MECOM: variants seen among roughly 807,000 people sequenced by gnomAD.
The protein encoded by MECOM is histone-lysine N-methyltransferase MECOM.
MECOM carries 13 observed loss-of-function variants against 116.3 expected under a neutral mutation model. The ratio of observed to expected loss-of-function variants is 0.11; its 90% CI spans 0.07 to 0.18. The LOEUF (loss-of-function observed/expected upper bound fraction) is 0.18. MECOM is among the 10% of genes least tolerant of loss of function. MECOM has a pLI of 1.00. For synonymous variants in MECOM, 528 were observed against 535.2 expected (o/e 0.99, Z 0.19); for missense variants, 1,299 against 1,509.0 (o/e 0.86, Z 2.31).
At chr3:169,659,440 ATTTTTTTT>A (rs56270349) in intron 1 of MECOM, among the ~76,000 whole-genome samples, 14 of 62,138 alleles carry the variant, frequency 2.3e-4, no homozygotes, top group South Asian at 6.7e-4. Flanking sequence ...CTAAACACAG[ATTTTTTTT>A]TTTTTTTTTT....
chr3:169,546,570 G>A (rs59275849), intron 1 of MECOM, among the ~76,000 whole-genome samples: 1,723 of 152,224 alleles, frequency 0.011, 31 homozygotes, highest in African/African-American at 0.04. Context: ...TGCCTCCTAC[G>A]GAAAGAATAA....
intron 4 of MECOM, 44 bp from the exon 5 acceptor site, chr3:169,128,104 G>T (rs766997509): frequency 1.0e-5 from 16 of 1,581,350 alleles, no homozygotes; most frequent in Non-Finnish European, 1.4e-5. Flanking sequence ...GTCAGGAATT[G>T]CCATCACAAA....
intron 1 of MECOM, among the ~76,000 whole-genome samples, chr3:169,434,874 T>C (rs1469306696): frequency 6.6e-6 from 1 of 152,208 alleles, no homozygotes; most frequent in African/African-American, 2.4e-5. Flanking sequence ...ACAAGGAGTT[T>C]CTCAAATTTA....
Position 169,102,166 on chromosome 3 carries a change from C to G in MECOM, c.2665G>C (p.Ala889Pro). 6.2e-7 allele frequency: 1 copy of G among 1,613,928 alleles called. No individual in the cohort carries two copies. Among genetic ancestry groups the G allele is most frequent in the East Asian group, 2.2e-5 (1 of 44,874 alleles). The change falls in exon 11 of 17, where the codon GCC becomes CCC. Residue 889 changes from alanine (A) to proline (P), a missense_variant. Ala to Pro is a conservative substitution (Grantham distance 27, BLOSUM62 -1). This residue lies in a region of MECOM where 340 missense variants were observed against 312.6 expected (regional missense o/e 1.09). Coordinates refer to ENST00000651503, the MANE Select transcript of MECOM (RefSeq NM_004991.4). ...LESFSALKPE[A>P]SELLQSVPSM... ...GGCACTGACTGTAAGAGCTCACTGG[C>G]CTCAGGTTTCAGGGCACTGAAGCTC...
At chr3:169,307,068 C>T (rs1717851768) in intron 2 of MECOM, among the ~76,000 whole-genome samples, 1 of 152,188 alleles carries the variant, frequency 6.6e-6, no homozygotes. Context: ...TTTATCCATT[C>T]CAAACTGGTT....
At chr3:169,162,429 C>T (rs939584966) in intron 2 of MECOM, among the ~76,000 whole-genome samples, 3 of 151,982 alleles carry the variant, frequency 2.0e-5, no homozygotes, top group Admixed American at 6.6e-5. Context: ...TTATGTCATT[C>T]GAATGTTAAG....
At chr3:169,149,736 C>T (rs140730227) in intron 2 of MECOM, 2 of 457,710 alleles carry the variant, frequency 4.4e-6, no homozygotes, top group South Asian at 3.1e-5. Flanking sequence ...GCTTACCCTC[C>T]GAGACCTTGG....
chr3:169,494,354 C>T (rs1324670865), intron 1 of MECOM, among the ~76,000 whole-genome samples: 2 of 152,082 alleles, frequency 1.3e-5, no homozygotes, highest in Admixed American at 6.5e-5. Context: ...CTCCCAAGGG[C>T]GTAAGGCAGC....
chr3:169,609,729 C>T (rs1769023543), intron 1 of MECOM, among the ~76,000 whole-genome samples: 1 of 152,130 alleles, frequency 6.6e-6, no homozygotes, highest in African/African-American at 2.4e-5. Flanking sequence ...TATAAACAAG[C>T]AGCAAGTCAA....
chr3:169,333,435 G>T (rs1016029077), intron 2 of MECOM, among the ~76,000 whole-genome samples: 1 of 152,108 alleles, frequency 6.6e-6, no homozygotes, highest in Non-Finnish European at 1.5e-5. Context: ...ACATTAGGGA[G>T]ATGGGGGAAT....
intron 1 of MECOM, among the ~76,000 whole-genome samples, chr3:169,388,707 T>G (rs1396037409): frequency 1.3e-5 from 2 of 151,922 alleles, no homozygotes; most frequent in African/African-American, 4.8e-5. Flanking sequence ...TTAAATGGAG[T>G]GTTTGGACAC....
chr3:169,642,539 G>T lies in MECOM; in HGVS notation c.37+20797C>A, dbSNP rs74286672. On this transcript the variant is annotated intron_variant, in intron 1 of 16. Transcript: ENST00000651503. ...AACAACAAAAAAAAAAAGTGAAAAG[G>T]AAAGAATCTTGGCCAAAAGTAAAGA... 7.4e-3 allele frequency among the ~76,000 whole-genome samples: 1,125 copies of T among 151,426 alleles called. 34 individuals are homozygous for T. In the East Asian group the frequency reaches 0.088, roughly 12 times the overall value.
chr3:169,454,991 T>C (rs1390181822), intron 1 of MECOM, among the ~76,000 whole-genome samples: 1 of 152,146 alleles, frequency 6.6e-6, no homozygotes. Context: ...CAATCAGCCA[T>C]GTCTATGTAG....
chr3:169,342,931 A>G (rs576510932), intron 2 of MECOM, among the ~76,000 whole-genome samples: 2 of 152,242 alleles, frequency 1.3e-5, no homozygotes, highest in Non-Finnish European at 1.5e-5. Flanking sequence ...TGGTGTCCTC[A>G]GTGGCAATTG....
intron 1 of MECOM, among the ~76,000 whole-genome samples, chr3:169,654,897 C>T (rs1168321053): frequency 6.6e-6 from 1 of 151,622 alleles, no homozygotes; most frequent in Non-Finnish European, 1.5e-5. Context: ...AGGTAATATT[C>T]AAAAACCATT....
intron 2 of MECOM, among the ~76,000 whole-genome samples, chr3:169,223,266 T>C (rs1438248316): frequency 4.0e-5 from 4 of 101,168 alleles, no homozygotes; most frequent in African/African-American, 6.2e-5. Flanking sequence ...CTCCTAATGC[T>C]ATCCCTCCCC....
intron 2 of MECOM, among the ~76,000 whole-genome samples, chr3:169,214,828 CTATTT>C (rs1168990939): frequency 6.8e-6 from 1 of 147,736 alleles, no homozygotes; most frequent in African/African-American, 2.5e-5. Flanking sequence ...TGTCTAGTAT[CTATTT>C]TATATATATA....
chr3:169,432,919 T>C (rs910344615), intron 1 of MECOM, among the ~76,000 whole-genome samples: 1 of 152,192 alleles, frequency 6.6e-6, no homozygotes, highest in African/African-American at 2.4e-5. Flanking sequence ...CCCGTGTAAA[T>C]TCTAACTGTT....
chr3:169,283,559 A>T (rs1258237720), intron 2 of MECOM, among the ~76,000 whole-genome samples: 1 of 152,216 alleles, frequency 6.6e-6, no homozygotes, highest in Non-Finnish European at 1.5e-5. Flanking sequence ...GCTCACTTTC[A>T]TTTGTGAAGA....
Sources: allele counts gnomAD v4.1 joint callset (sites outside exome capture counted in the v4.1 genomes callset), GRCh38; gene constraint gnomAD v4.1.1; regional missense constraint gnomAD v4.1.1; transcripts MANE v1.5; gene names NCBI Gene and HGNC (gene_info 2026-07-23, HGNC 2026-07-21).